Variants in URI1 observed in about 807,000 individuals in gnomAD.
The protein encoded by URI1 is URI1 prefoldin like chaperone, also known as unconventional prefoldin RPB5 interactor 1.
Under a neutral mutation model 60.2 loss-of-function variants are expected in URI1, and 39 were observed. The observed-to-expected ratio is 0.65, with a 90% confidence interval of 0.50 to 0.85. The LOEUF is 0.85. Ranked by LOEUF, URI1 falls within the 40% of genes least tolerant of loss-of-function variation. URI1 has a pLI of 0.00. For missense variants in URI1, 691 were observed against 665.9 expected, an observed-to-expected ratio of 1.04 and a Z score of -0.42; for synonymous variants, 251 against 236.8, an observed-to-expected ratio of 1.06 and a Z score of -0.55.
At chr19:29,956,636 C>A in intron 1 of URI1, 1 of 1,515,422 alleles carries the variant, frequency 6.6e-7, no homozygotes. Flanking sequence ...TATTTTTCAC[C>A]CAAGAAATTT....
chr19:29,934,640 ATCC>A (rs2054952920), intron 1 of URI1, among the ~76,000 whole-genome samples: 1 of 152,182 alleles, frequency 6.6e-6, no homozygotes, highest in African/African-American at 2.4e-5. Context: ...GGCTCAAGCA[ATCC>A]TCCTGCCTTA....
Position 30,009,159 on chromosome 19 carries a change from C to T in URI1, c.841C>T (p.Gln281Ter), listed in dbSNP as rs759809910. The T allele has an allele frequency of 1.2e-6, 2 of 1,613,890 alleles. No individual in the cohort carries two copies. Among genetic ancestry groups the T allele is most frequent in the Non-Finnish European group, 8.5e-7 (1 of 1,179,960 alleles). ...DVASSEPFSG[Q>*]VNSQLNCSVN... ...TGCAAGTTCAGAACCATTCAGTGGT[C>T]AAGTGAATAGTCAGTTGAACTGTTC... Residue 281 changes from glutamine to a stop codon, truncating the protein, a stop_gained, in exon 8 of 11, where the codon CAA becomes TAA. Transcript: ENST00000392271. LOFTEE classifies it high-confidence loss of function.
intron 1 of URI1, among the ~76,000 whole-genome samples, chr19:29,964,597 A>T (rs2055368735): frequency 6.7e-6 from 1 of 149,288 alleles, no homozygotes. Context: ...AGTAGCTGGG[A>T]TTACAGGCGC....
rs77744376 is a variant in URI1, at chr19:30,007,538, G to T, written c.586G>T (p.Ala196Ser). The change falls in exon 7 of 11, where the codon GCA (alanine) becomes TCA (serine). Residue 196 changes from alanine to serine, a missense_variant. Coordinates refer to ENST00000392271, the MANE Select transcript of URI1 (RefSeq NM_003796.3). Reference protein sequence around the residue: ...KTSDIFEADIANDVKSKDLLA... With the variant: ...KTSDIFEADISNDVKSKDLLA... ...TTCAGATATTTTTGAAGCAGATATT[G>T]CAAATGATGTGAAATCCAAGGATTT... 3 of 1,613,442 alleles carry T rather than the reference G, an allele frequency of 1.9e-6. No homozygotes were observed. The highest frequency in any genetic ancestry group is 1.3e-5 in the African/African-American group (1 of 74,942).
intron 1 of URI1, chr19:29,923,825 A>T (rs2054842808): frequency 7.0e-7 from 1 of 1,427,694 alleles, no homozygotes; most frequent in Non-Finnish European, 9.5e-7. Flanking sequence ...TACTTTAACC[A>T]CATGGATTAG....
In URI1 at chr19:30,011,087, AT is replaced by A; in HGVS notation, c.1036-3del. 6.3e-7 allele frequency: 1 copy of A among 1,595,418 alleles called. No homozygotes were observed. The highest frequency in any genetic ancestry group is 1.2e-5 in the South Asian group (1 of 86,624). On this transcript the variant is annotated splice_region_variant and splice_polypyrimidine_tract_variant and intron_variant, in intron 8 of 10. Transcript: ENST00000392271. Reference sequence around the variant, plus strand: ...AAGATTCTTAATTTCTTGCTCTGAAATTTTAGGTCCGAATAAATACTGGAAA... The same window carrying A: ...AAGATTCTTAATTTCTTGCTCTGAAATTTAGGTCCGAATAAATACTGGAAA...
At chr19:29,945,217 C>T (rs971075702) in intron 1 of URI1, among the ~76,000 whole-genome samples, 1 of 152,158 alleles carries the variant, frequency 6.6e-6, no homozygotes, top group Non-Finnish European at 1.5e-5. Flanking sequence ...GAAATGAGTT[C>T]CTTACACACA....
chr19:29,973,001 TTGCTTTTAATGAAGA>T (rs1568424598), intron 2 of URI1, among the ~76,000 whole-genome samples: 1 of 152,160 alleles, frequency 6.6e-6, no homozygotes, highest in Non-Finnish European at 1.5e-5. Flanking sequence ...ACTTTTCTCT[TTGCTTTTAATGAAGA>T]TCTATACATG....
intron 2 of URI1, among the ~76,000 whole-genome samples, chr19:29,982,400 T>G (rs2055610204): frequency 6.6e-6 from 1 of 152,078 alleles, no homozygotes; most frequent in African/African-American, 2.4e-5. Context: ...ATGTTTTTTG[T>G]GAGGAAGTTG....
chr19:29,948,406 T>C (rs335038), intron 1 of URI1, among the ~76,000 whole-genome samples: 3,800 of 152,328 alleles, frequency 0.025, 169 homozygotes, highest in African/African-American at 0.087. Flanking sequence ...AATTTCCTTA[T>C]ATTCCAAGTT....
At chr19:30,011,993 C>A (rs2056026916) in intron 9 of URI1, among the ~76,000 whole-genome samples, 1 of 151,994 alleles carries the variant, frequency 6.6e-6, no homozygotes, top group South Asian at 2.1e-4. Context: ...CACATGTATA[C>A]ATATGTAACA....
intron 1 of URI1, among the ~76,000 whole-genome samples, chr19:29,944,273 GA>G (rs1203069144): frequency 7.0e-6 from 1 of 143,806 alleles, no homozygotes; most frequent in Non-Finnish European, 1.5e-5. Flanking sequence ...AAAGAAGAAA[GA>G]AAAAACAGCC....
At chr19:29,961,675 GT>G (rs200425572) in intron 1 of URI1, among the ~76,000 whole-genome samples, 98,909 of 117,720 alleles carry the variant, frequency 0.84, 40,654 homozygotes, top group South Asian at 0.92. Context: ...TTTTTTTTTT[GT>G]TTTTTTTTTT....
At chr19:29,948,423 G>C (rs1389822430) in intron 1 of URI1, among the ~76,000 whole-genome samples, 5 of 152,162 alleles carry the variant, frequency 3.3e-5, no homozygotes, top group Non-Finnish European at 5.9e-5. Context: ...AGTTTGCTAT[G>C]AGTTTTTATG....
chr19:29,980,941 A>G (rs1204638780), intron 2 of URI1, among the ~76,000 whole-genome samples: 2 of 150,986 alleles, frequency 1.3e-5, no homozygotes, highest in Non-Finnish European at 3.0e-5. Context: ...AAAAAAAAAA[A>G]AAAGTTCAAT....
intron 6 of URI1, 81 bp downstream of exon 6, chr19:30,005,789 T>C: frequency 7.4e-7 from 1 of 1,348,778 alleles, no homozygotes; most frequent in Non-Finnish European, 1.0e-6. Flanking sequence ...CTGTGAGATA[T>C]TTGGGATTTA....
chr19:29,956,679 G>A lies in URI1; in HGVS notation c.117+14015G>A, dbSNP rs1257889812. 21 of 1,541,976 alleles carry A rather than the reference G, an allele frequency of 1.4e-5. No homozygotes were observed. The Admixed American group carries it at 2.0e-4, about 15-fold the overall frequency. On this transcript the variant is annotated intron_variant, in intron 1 of 10. Coordinates refer to ENST00000392271, the MANE Select transcript of URI1 (RefSeq NM_003796.3). The stretch of plus-strand genomic sequence containing the variant: ...CAACAAGAGACCCATTCTGGATAAC[G>A]ACGTTGATGGGGGAAGTGAGCATAC...
At chr19:29,960,526 A>C (rs2055309279) in intron 1 of URI1, among the ~76,000 whole-genome samples, 1 of 152,012 alleles carries the variant, frequency 6.6e-6, no homozygotes, top group African/African-American at 2.4e-5. Context: ...AGATATTTTT[A>C]TCTCTAGTAA....
At chr19:29,950,018 A>G (rs2055160086) in intron 1 of URI1, among the ~76,000 whole-genome samples, 1 of 152,232 alleles carries the variant, frequency 6.6e-6, no homozygotes, top group South Asian at 2.1e-4. Context: ...CCGAAGGCAC[A>G]TTCCGTTTTG....
Sources: allele counts gnomAD v4.1 joint callset (sites outside exome capture counted in the v4.1 genomes callset), GRCh38; gene constraint gnomAD v4.1.1; transcripts MANE v1.5; gene names NCBI Gene and HGNC (gene_info 2026-07-23, HGNC 2026-07-21).